The following NEURL1 variants were observed in gnomAD, a reference collection of about 807,000 sequenced individuals.
NEURL1 encodes neuralized E3 ubiquitin protein ligase 1.
In NEURL1, 26 loss-of-function variants were observed where a neutral mutation model predicts 41.2. The ratio of observed to expected loss-of-function variants is 0.63; its 90% confidence interval spans 0.46 to 0.87. The LOEUF (loss-of-function observed/expected upper bound fraction) is 0.87. NEURL1 is among the 40% of genes least tolerant of loss of function. The probability of loss-of-function intolerance (pLI) is 0.00; values close to 1 mark genes in which losing one functional copy is unlikely to be tolerated. For synonymous variants in NEURL1, 400 were observed against 402.3 expected, an observed-to-expected ratio of 0.99 and a Z score of 0.07; for missense variants, 761 against 871.1, an observed-to-expected ratio of 0.87 and a Z score of 1.59.
intron 1 of NEURL1, among the ~76,000 whole-genome samples, chr10:103,516,944 T>C (rs1160686684): frequency 7.0e-6 from 1 of 143,456 alleles, no homozygotes; most frequent in Admixed American, 6.9e-5. Context: ...TTACACTTCC[T>C]GATTTATTTC....
intron 1 of NEURL1, among the ~76,000 whole-genome samples, chr10:103,533,828 T>G (rs7068167): frequency 0.51 from 77,658 of 151,676 alleles, 20,410 homozygotes; most frequent in East Asian, 0.78. Context: ...GAGCCACCGC[T>G]CCCGGCCTAA....
chr10:103,547,984 A>T (rs1564817395), intron 1 of NEURL1, among the ~76,000 whole-genome samples: 1 of 151,394 alleles, frequency 6.6e-6, no homozygotes, highest in Non-Finnish European at 1.5e-5. Context: ...GCCCTTCCTC[A>T]CCCTCCCCAT....
intron 3 of NEURL1, among the ~76,000 whole-genome samples, chr10:103,578,933 G>C (rs975073751): frequency 2.0e-5 from 3 of 152,224 alleles, no homozygotes; most frequent in Non-Finnish European, 4.4e-5. Context: ...ACAGGGGCCA[G>C]CAGATACCTG....
rs764171711 is a variant in NEURL1 at position 103,590,375 on chromosome 10, C to G, written c.*3C>G. The G allele has an allele frequency of 6.2e-7, 1 of 1,609,954 alleles. No individual in the cohort carries two copies. The highest frequency in any genetic ancestry group is 1.7e-5 in the Admixed American group (1 of 60,010). ...TCAAGACCTACCGCAGCTCCTAGCC[C>G]GTTGCGGTGGCCCATCCCGCATACC... On this transcript the variant is annotated 3_prime_UTR_variant, in exon 6 of 6. Coordinates refer to ENST00000369780, the MANE Select transcript of NEURL1 (RefSeq NM_004210.5).
chr10:103,550,568 C>T (rs1429746260), intron 1 of NEURL1: 1 of 152,308 alleles, frequency 6.6e-6, no homozygotes, highest in Non-Finnish European at 1.5e-5. Flanking sequence ...GATGAGAAGT[C>T]CAGCCTTACT....
chr10:103,528,473 T>TGCAGTGA (rs1192077416), intron 1 of NEURL1, among the ~76,000 whole-genome samples: 2 of 150,592 alleles, frequency 1.3e-5, no homozygotes, highest in Non-Finnish European at 2.9e-5. Flanking sequence ...AGGCGGAGGT[T>TGCAGTGA]GCAGTGAGCT....
chr10:103,498,916 A>T (rs1019459137), intron 1 of NEURL1, among the ~76,000 whole-genome samples: 11 of 152,210 alleles, frequency 7.2e-5, no homozygotes, highest in African/African-American at 2.4e-4. Context: ...AGTATGCCAC[A>T]TTTCACTTAT....
At chr10:103,571,174 CT>C in intron 2 of NEURL1, 61 bp downstream of exon 2, 1 of 1,546,202 alleles carries the variant, frequency 6.5e-7, no homozygotes, top group Non-Finnish European at 8.8e-7. Context: ...ATGGCATCCC[CT>C]GGGCCTCTGG....
At chr10:103,515,029 A>T (rs2034167379) in intron 1 of NEURL1, among the ~76,000 whole-genome samples, 1 of 152,066 alleles carries the variant, frequency 6.6e-6, no homozygotes, top group South Asian at 2.1e-4. Context: ...GGAGTTTGAG[A>T]CTGGCCTGGC....
chr10:103,569,466 A>T (rs1025747928), intron 1 of NEURL1, among the ~76,000 whole-genome samples: 5 of 152,292 alleles, frequency 3.3e-5, no homozygotes, highest in Middle Eastern at 3.4e-3. Flanking sequence ...CACATATTTT[A>T]TGAAACCAAG....
At position 103,494,237 on chromosome 10, in the gene NEURL1, T is replaced by C. The variant is rs2033624325; in HGVS notation, c.-151T>C. The C allele has an allele frequency of 1.7e-6, 1 of 573,682 alleles. No homozygotes were observed. The allele number at this position is 573,682 out of a possible 1,614,324, so 35.5% of individuals were successfully genotyped here. On this transcript the variant is annotated 5_prime_UTR_variant, in exon 1 of 6. Coordinates refer to ENST00000369780, the MANE Select transcript of NEURL1 (RefSeq NM_004210.5). ...ACCGCGAAGTCCAGAGAAAGGAAGC[T>C]GAGGAGCTGCCCGCCCGCCCCCGGC...
At chr10:103,533,965 C>T (rs1049991143) in intron 1 of NEURL1, among the ~76,000 whole-genome samples, 1 of 152,096 alleles carries the variant, frequency 6.6e-6, no homozygotes, top group Non-Finnish European at 1.5e-5. Context: ...ACCACCGCGC[C>T]TAGCTCAAAT....
chr10:103,558,307 C>T lies in NEURL1; in HGVS notation c.86-12565C>T, dbSNP rs1328246313. ...ACTCTGTATGTGTGTCGGGGGTCAT[C>T]TAATTGTGTGTTTTGTTTGTGGACG... On this transcript the variant is annotated intron_variant, in intron 1 of 5. Transcript: ENST00000369780. The surrounding 1 kb of genome is among the most constrained non-coding windows in gnomAD (Gnocchi z 4.2). 1 of 953,200 alleles carries T rather than the reference C, an allele frequency of 1.0e-6. No homozygotes were observed. The highest frequency in any genetic ancestry group is 1.2e-4 in the East Asian group (1 of 8,664). The allele number at this position is 953,200 out of a possible 1,614,324, so 59.0% of individuals were successfully genotyped here.
chr10:103,568,090 G>A (rs989023616), intron 1 of NEURL1, among the ~76,000 whole-genome samples: 1 of 152,174 alleles, frequency 6.6e-6, no homozygotes, highest in African/African-American at 2.4e-5. Flanking sequence ...GCTCACAGGT[G>A]TACGTGTATG....
intron 1 of NEURL1, among the ~76,000 whole-genome samples, chr10:103,531,189 C>T (rs1283018575): frequency 6.6e-6 from 1 of 151,866 alleles, no homozygotes; most frequent in Non-Finnish European, 1.5e-5. Flanking sequence ...CACTGCACTC[C>T]AGCCTGGGCA....
intron 1 of NEURL1, among the ~76,000 whole-genome samples, chr10:103,509,234 CAAA>C (rs56319349): frequency 3.8e-4 from 42 of 111,520 alleles, no homozygotes; most frequent in East Asian, 7.6e-4. Context: ...GACTCTGTCT[CAAA>C]AAAAAAAAAA....
In NEURL1 at chr10:103,571,028, A is replaced by C; in HGVS notation, c.242A>C (p.Lys81Thr). 1 of 1,614,028 alleles carries C rather than the reference A, an allele frequency of 6.2e-7. No homozygotes were observed. The highest frequency in any genetic ancestry group is 8.5e-7 in the Non-Finnish European group (1 of 1,180,002). ...CAGATCCTCATGGACCTCAGCCACA[A>C]GGCTGTCAAGAGGCAGGCCAGCTTC... is the stretch of plus-strand genomic sequence containing the variant. Reference protein sequence around the residue: ...GSQILMDLSHKAVKRQASFCN... With the variant: ...GSQILMDLSHTAVKRQASFCN... Residue 81 changes from lysine to threonine, a missense_variant, in exon 2 of 6, where the codon AAG becomes ACG. Physicochemically the swap from Lys to Thr is moderately conservative, Grantham distance 78 (BLOSUM62 -1). Transcript: ENST00000369780.
intron 1 of NEURL1, among the ~76,000 whole-genome samples, chr10:103,541,425 T>C: frequency 6.6e-6 from 1 of 152,136 alleles, no homozygotes; most frequent in East Asian, 1.9e-4. Flanking sequence ...CATATCAGAC[T>C]ATAGTGCAAT....
intron 1 of NEURL1, among the ~76,000 whole-genome samples, chr10:103,513,025 A>C (rs2034109675): frequency 6.7e-6 from 1 of 150,116 alleles, no homozygotes; most frequent in Non-Finnish European, 1.5e-5. Context: ...TCACATTCCC[A>C]CCTCTACGAC....
Sources: gnomAD v4.1 joint callset for allele counts (sites outside exome capture counted in the v4.1 genomes callset) on GRCh38, gnomAD v4.1.1 for gene constraint, Gnocchi (gnomAD v3.1) non-coding constraint, MANE v1.5 for transcripts, NCBI Gene and HGNC (gene_info 2026-07-23, HGNC 2026-07-21) for gene names.